ZNF423: variants seen among roughly 807,000 people sequenced by gnomAD.
ZNF423 encodes the protein Ebf-associated zinc finger protein.
A neutral mutation model predicts 95.8 loss-of-function variants in ZNF423; 12 were observed. The observed-to-expected ratio is 0.13, with a 90% CI of 0.08 to 0.20. The LOEUF (loss-of-function observed/expected upper bound fraction) is 0.20, where lower values mean the gene tolerates loss of function less well. Ranked by LOEUF, ZNF423 falls within the 10% of genes least tolerant of loss-of-function variation. The pLI is 1.00. For synonymous variants in ZNF423, 749 were observed against 711.9 expected, an observed-to-expected ratio of 1.05 and a Z score of -0.83; for missense variants, 1,316 against 1,737.1, an observed-to-expected ratio of 0.76 and a Z score of 4.31.
intron 1 of ZNF423, chr16:49,822,607 G>A (rs376501430): frequency 2.0e-4 from 277 of 1,383,484 alleles, no homozygotes; most frequent in Non-Finnish European, 2.7e-4. Context: ...GCTCTAGTTC[G>A]AGCTCCTTCT....
chr16:49,544,017 C>A (rs768288082), intron 5 of ZNF423, among the ~76,000 whole-genome samples: 1 of 152,186 alleles, frequency 6.6e-6, no homozygotes, highest in African/African-American at 2.4e-5. Context: ...AAATTAACAC[C>A]GTCATTAGTC....
chr16:49,741,725 T>C lies in ZNF423; in HGVS notation c.101-10754A>G, dbSNP rs142893048. On this transcript the variant is annotated intron_variant, in intron 2 of 7. Coordinates refer to ENST00000563137, the MANE Select transcript of ZNF423 (RefSeq NM_001379286.1). ...GCCCCTAGAGCACAGGGTCATCTGC[T>C]CATTCCTCACCAGAAAGAGCAGTCA... Among the ~76,000 whole-genome samples, 28 of 152,300 alleles carry C rather than the reference T, an allele frequency of 1.8e-4. No individual in the cohort carries two copies. The East Asian group carries it at 4.6e-3, about 25-fold the overall frequency.
chr16:49,674,212 A>C (rs2030943294), intron 3 of ZNF423, among the ~76,000 whole-genome samples: 1 of 152,224 alleles, frequency 6.6e-6, no homozygotes, highest in Admixed American at 6.5e-5. Flanking sequence ...ATTTGTGCAC[A>C]GGATCTGAGA....
chr16:49,650,066 A>G (rs1320719366), intron 3 of ZNF423, among the ~76,000 whole-genome samples: 2 of 152,264 alleles, frequency 1.3e-5, no homozygotes, highest in African/African-American at 4.8e-5. Context: ...GTCACTGGAC[A>G]TCTCAAAGAC....
In ZNF423 at chr16:49,855,158, GCCGGGGCGAGGGCGCGGCGC is replaced by G. The variant is rs1233186263; in HGVS notation, c.40+557_40+576del. ...CAGGGGCGGGAGGGGGCGCCAGGCG[GCCGGGGCGAGGGCGCGGCGC>G]CCGGGGCGCTCGCCGACAGCGCCCG... On this transcript the variant is annotated intron_variant, in intron 1 of 7. Coordinates refer to ENST00000563137, the MANE Select transcript of ZNF423 (RefSeq NM_001379286.1). This position sits in a 1 kb window ranked among gnomAD's most constrained non-coding sequence, Gnocchi z 4.7. Among the ~76,000 whole-genome samples the G allele has an allele frequency of 1.3e-4, 18 of 136,638 alleles. No homozygotes were observed. The highest frequency in any genetic ancestry group is 2.8e-4 in the African/African-American group (11 of 39,998). The allele number at this position is 136,638 out of a possible 152,430, so 89.6% of individuals were successfully genotyped here.
At chr16:49,742,393 C>G (rs2033432919) in intron 2 of ZNF423, among the ~76,000 whole-genome samples, 1 of 152,046 alleles carries the variant, frequency 6.6e-6, no homozygotes. Context: ...ACACCCCCTG[C>G]AAGAAAAAAT....
At position 49,795,887 on chromosome 16, in the gene ZNF423, C is replaced by T. The variant is rs1244056894; in HGVS notation, c.41-6341G>A. Among the ~76,000 whole-genome samples the T allele has an allele frequency of 2.0e-5, 3 of 152,180 alleles. No individual in the cohort carries two copies. In the East Asian group the frequency reaches 5.8e-4, roughly 29 times the overall value. The stretch of plus-strand genomic sequence containing the variant: ...CGGCCATCTCTGAAGTCCTGGGGGG[C>T]TTCCAGTTCCCTGTGTGAGTCAAGA... On this transcript the variant is annotated intron_variant, in intron 1 of 7. Coordinates refer to ENST00000563137, the MANE Select transcript of ZNF423 (RefSeq NM_001379286.1).
At chr16:49,497,384 T>C (rs1967205550) in intron 7 of ZNF423, among the ~76,000 whole-genome samples, 1 of 152,206 alleles carries the variant, frequency 6.6e-6, no homozygotes, top group Non-Finnish European at 1.5e-5. Flanking sequence ...AGGGTGCCGA[T>C]GGCCAAACTC....
chr16:49,680,826 C>CA, intron 3 of ZNF423, among the ~76,000 whole-genome samples: 1 of 152,288 alleles, frequency 6.6e-6, no homozygotes, highest in Non-Finnish European at 1.5e-5. Context: ...CCTGCCAGGT[C>CA]AAGGGTGCAG....
At chr16:49,503,728 C>A (rs1463097658) in intron 7 of ZNF423, among the ~76,000 whole-genome samples, 1 of 152,228 alleles carries the variant, frequency 6.6e-6, no homozygotes, top group African/African-American at 2.4e-5. Context: ...ACCATCAGCG[C>A]AACAAGACAG....
At chr16:49,770,788 C>A (rs1483340797) in intron 2 of ZNF423, among the ~76,000 whole-genome samples, 1 of 152,200 alleles carries the variant, frequency 6.6e-6, no homozygotes, top group Non-Finnish European at 1.5e-5. Flanking sequence ...ACGTGGCTCT[C>A]CCAGCCAACT....
intron 3 of ZNF423, among the ~76,000 whole-genome samples, chr16:49,717,449 C>A (rs2143216468): frequency 6.6e-6 from 1 of 152,350 alleles, no homozygotes; most frequent in East Asian, 1.9e-4. Flanking sequence ...GGCCAGCATC[C>A]ATCCCCACTT....
intron 7 of ZNF423, among the ~76,000 whole-genome samples, chr16:49,515,395 A>C (rs1000889982): frequency 1.3e-5 from 2 of 152,188 alleles, no homozygotes; most frequent in African/African-American, 4.8e-5. Flanking sequence ...GCCTCATTTA[A>C]ATCTATTAGC....
chr16:49,678,041 G>A (rs2151934237), intron 3 of ZNF423, among the ~76,000 whole-genome samples: 1 of 152,066 alleles, frequency 6.6e-6, no homozygotes, highest in Non-Finnish European at 1.5e-5. Flanking sequence ...AAATTAGCTG[G>A]GCGTGGTGAT....
chr16:49,567,138 C>G lies in ZNF423; in HGVS notation c.3602-41644G>C, dbSNP rs116099415. ...AAGGAATTCAAGGCACAGAAAGGAA[C>G]AGAGACTTGCCAAAGATCACAAGGC... On this transcript the variant is annotated intron_variant, in intron 5 of 7. Transcript: ENST00000563137. Among the ~76,000 whole-genome samples, 438 of 152,274 alleles carry G rather than the reference C, an allele frequency of 2.9e-3. 2 individuals are homozygous for G. The highest frequency in any genetic ancestry group is 1.0e-2 in the African/African-American group (415 of 41,552).
intron 3 of ZNF423, among the ~76,000 whole-genome samples, chr16:49,666,394 T>C (rs2030547457): frequency 6.6e-6 from 1 of 152,170 alleles, no homozygotes; most frequent in Non-Finnish European, 1.5e-5. Flanking sequence ...GCCAGTTACA[T>C]TCACAAACAC....
chr16:49,719,048 A>G (rs1034964978), intron 3 of ZNF423, among the ~76,000 whole-genome samples: 3 of 152,200 alleles, frequency 2.0e-5, no homozygotes, highest in African/African-American at 7.2e-5. Flanking sequence ...AGCTTTTGCA[A>G]ACCTCAAATT....
chr16:49,822,563 A>C, intron 1 of ZNF423: 1 of 840,960 alleles, frequency 1.2e-6, no homozygotes, highest in East Asian at 2.9e-5. Context: ...GCTGAGTCAG[A>C]AGGGATGAGA....
chr16:49,505,761 G>A (rs545456692), intron 7 of ZNF423, among the ~76,000 whole-genome samples: 51 of 152,314 alleles, frequency 3.3e-4, no homozygotes, highest in Non-Finnish European at 6.0e-4. Context: ...AGAAAGGCAG[G>A]GCTCCATGGG....
Sources: allele counts gnomAD v4.1 joint callset (sites outside exome capture counted in the v4.1 genomes callset), GRCh38; gene constraint gnomAD v4.1.1; non-coding constraint Gnocchi (gnomAD v3.1); transcripts MANE v1.5; gene names NCBI Gene and HGNC (gene_info 2026-07-23, HGNC 2026-07-21).